The following HS3ST4 variants were observed in gnomAD, a reference collection of about 807,000 sequenced individuals.
HS3ST4 encodes heparan sulfate glucosamine 3-O-sulfotransferase 4.
A neutral mutation model predicts 29.2 loss-of-function variants in HS3ST4; 17 were observed. The ratio of observed to expected loss-of-function variants is 0.58; its 90% CI spans 0.40 to 0.87. The LOEUF (loss-of-function observed/expected upper bound fraction) is 0.87, where lower values mean the gene tolerates loss of function less well. HS3ST4 is among the 40% of genes least tolerant of loss of function. The pLI is 0.00. For missense variants in HS3ST4, 627 were observed against 634.5 expected (o/e 0.99, Z 0.13); for synonymous variants, 314 against 285.7 (o/e 1.10, Z -1.00).
At chr16:26,107,945 T>G (rs1225007888) in intron 1 of HS3ST4, among the ~76,000 whole-genome samples, 1 of 152,144 alleles carries the variant, frequency 6.6e-6, no homozygotes, top group Non-Finnish European at 1.5e-5. Flanking sequence ...TAGATCTGCT[T>G]TTAACTCTTT....
At chr16:26,072,856 C>G (rs1233206558) in intron 1 of HS3ST4, among the ~76,000 whole-genome samples, 1 of 152,148 alleles carries the variant, frequency 6.6e-6, no homozygotes, top group African/African-American at 2.4e-5. Context: ...GAGACACTTT[C>G]AAGATCATTG....
intron 1 of HS3ST4, among the ~76,000 whole-genome samples, chr16:25,879,565 AC>A (rs1028645822): frequency 1.3e-5 from 2 of 151,854 alleles, no homozygotes; most frequent in African/African-American, 4.8e-5. Flanking sequence ...GGAAAGACCC[AC>A]CCCCATGATT....
intron 1 of HS3ST4, among the ~76,000 whole-genome samples, chr16:26,011,176 GGCCAA>G (rs1304802170): frequency 6.6e-6 from 1 of 152,134 alleles, no homozygotes; most frequent in Non-Finnish European, 1.5e-5. Context: ...TTCCTCCAGG[GGCCAA>G]GCCAGTAAGA....
chr16:26,099,932 G>A (rs189321359), intron 1 of HS3ST4, among the ~76,000 whole-genome samples: 14 of 152,276 alleles, frequency 9.2e-5, no homozygotes, highest in African/African-American at 3.1e-4. Context: ...GAGTAAAGAG[G>A]AGAAGGGGCT....
chr16:25,943,590 A>G (rs1267917997), intron 1 of HS3ST4, among the ~76,000 whole-genome samples: 1 of 152,224 alleles, frequency 6.6e-6, no homozygotes, highest in East Asian at 1.9e-4. Flanking sequence ...GATTTCTTGT[A>G]AAAGCAAAAT....
chr16:25,710,123 T>C (rs1966405715), intron 1 of HS3ST4, among the ~76,000 whole-genome samples: 1 of 151,984 alleles, frequency 6.6e-6, no homozygotes, highest in Admixed American at 6.5e-5. Context: ...GATTTAATTT[T>C]TTCTGCTTCT....
At chr16:26,086,190 C>T (rs2141786111) in intron 1 of HS3ST4, among the ~76,000 whole-genome samples, 1 of 152,242 alleles carries the variant, frequency 6.6e-6, no homozygotes, top group Non-Finnish European at 1.5e-5. Context: ...TTTATGATCA[C>T]TCGCCCTCTA....
At chr16:25,977,005 G>T (rs1968951431) in intron 1 of HS3ST4, among the ~76,000 whole-genome samples, 1 of 152,174 alleles carries the variant, frequency 6.6e-6, no homozygotes, top group Non-Finnish European at 1.5e-5. Flanking sequence ...TCCACAGGTA[G>T]GATTTGGCCC....
chr16:25,833,967 G>A (rs1362218694), intron 1 of HS3ST4, among the ~76,000 whole-genome samples: 1 of 152,168 alleles, frequency 6.6e-6, no homozygotes, highest in African/African-American at 2.4e-5. Flanking sequence ...CTGTGTGCTA[G>A]GTCTGATGAA....
intron 1 of HS3ST4, among the ~76,000 whole-genome samples, chr16:26,080,787 A>G (rs912194872): frequency 2.0e-5 from 3 of 152,160 alleles, no homozygotes; most frequent in Non-Finnish European, 4.4e-5. Context: ...AGCCAGAGAA[A>G]GACCTCAAGC....
chr16:25,846,555 T>A (rs1967468271), intron 1 of HS3ST4, among the ~76,000 whole-genome samples: 1 of 150,880 alleles, frequency 6.6e-6, no homozygotes, highest in Non-Finnish European at 1.5e-5. Flanking sequence ...AAAAGTTGTA[T>A]TTTTTTTTCC....
intron 1 of HS3ST4, among the ~76,000 whole-genome samples, chr16:25,851,013 C>T (rs981479375): frequency 1.3e-5 from 2 of 152,130 alleles, no homozygotes; most frequent in Non-Finnish European, 2.9e-5. Flanking sequence ...TAGTGGCTGG[C>T]AATTCTAAGC....
At chr16:25,882,464 G>T (rs116193563) in intron 1 of HS3ST4, among the ~76,000 whole-genome samples, 2,147 of 152,276 alleles carry the variant, frequency 0.014, 56 homozygotes, top group African/African-American at 0.049. Context: ...GGCAGTTTCA[G>T]GCACTTTTTC....
At chr16:25,824,365 C>T (rs1356646496) in intron 1 of HS3ST4, among the ~76,000 whole-genome samples, 1 of 152,206 alleles carries the variant, frequency 6.6e-6, no homozygotes, top group African/African-American at 2.4e-5. Context: ...CTAATAAAGA[C>T]ATACCCGAGA....
At chr16:25,706,651 C>T (rs902087574) in intron 1 of HS3ST4, among the ~76,000 whole-genome samples, 4 of 152,076 alleles carry the variant, frequency 2.6e-5, no homozygotes, top group African/African-American at 9.7e-5. Context: ...TGCTTTCTAA[C>T]CCTCTGTGCT....
At chr16:25,888,042 G>C (rs1265036460) in intron 1 of HS3ST4, among the ~76,000 whole-genome samples, 2 of 152,116 alleles carry the variant, frequency 1.3e-5, no homozygotes, top group African/African-American at 4.8e-5. Context: ...CATCAATCAT[G>C]TGACATCTTC....
chr16:26,086,355 T>G (rs928448588), intron 1 of HS3ST4, among the ~76,000 whole-genome samples: 30 of 111,074 alleles, frequency 2.7e-4, no homozygotes, highest in African/African-American at 1.0e-3. Flanking sequence ...TTTTCTTTTT[T>G]TTTCTTTTTT....
chr16:25,978,636 A>C (rs1466032946), intron 1 of HS3ST4, among the ~76,000 whole-genome samples: 1 of 152,158 alleles, frequency 6.6e-6, no homozygotes, highest in African/African-American at 2.4e-5. Context: ...TCAAACCTCA[A>C]TTTTCTCATC....
intron 1 of HS3ST4, among the ~76,000 whole-genome samples, chr16:25,732,048 A>G (rs932025111): frequency 1.3e-5 from 2 of 152,284 alleles, no homozygotes; most frequent in East Asian, 3.9e-4. Context: ...GGGTAGACAC[A>G]TTGCAAAACC....
Sources: allele counts gnomAD v4.1 joint callset (sites outside exome capture counted in the v4.1 genomes callset), GRCh38; gene constraint gnomAD v4.1.1; transcripts MANE v1.5; gene names NCBI Gene and HGNC (gene_info 2026-07-23, HGNC 2026-07-21).